The following JUP variants were observed in gnomAD, a reference collection of about 807,000 sequenced individuals.
JUP encodes the protein junction plakoglobin, also known as catenin (cadherin-associated protein), gamma 80kDa.
JUP carries 28 observed loss-of-function variants against 71.1 expected under a neutral mutation model. That is an observed-to-expected ratio of 0.39 (90% CI 0.29 to 0.54). The LOEUF is 0.54. Among genes scored for constraint, JUP ranks in the 20% least tolerant of loss-of-function variants. JUP has a pLI of 0.62. For missense variants in JUP, 869 were observed against 1,030.1 expected, an observed-to-expected ratio of 0.84 and a Z score of 2.14; for synonymous variants, 401 against 438.9, an observed-to-expected ratio of 0.91 and a Z score of 1.08.
chr17:41,773,093 G>A (rs1916913571), intron 1 of JUP: 1 of 667,604 alleles, frequency 1.5e-6, no homozygotes, highest in Non-Finnish European at 1.9e-6. Context: ...GGGACCAGGT[G>A]TGAGGGCACC....
intron 5 of JUP, 93 bp from the exon 6 acceptor site, chr17:41,765,160 C>A: frequency 7.9e-7 from 1 of 1,270,096 alleles, no homozygotes. Context: ...CATTACTGAG[C>A]TTCAGCTAAA....
chr17:41,762,172 A>AGTGTGT (rs1567808437), intron 8 of JUP, among the ~76,000 whole-genome samples: 21 of 44,092 alleles, frequency 4.8e-4, no homozygotes, highest in African/African-American at 1.9e-3. Flanking sequence ...AGAGAGAGAG[A>AGTGTGT]GAGAGTGTGT....
intron 1 of JUP, among the ~76,000 whole-genome samples, chr17:41,773,882 T>A (rs1293814349): frequency 1.3e-5 from 2 of 152,208 alleles, no homozygotes; most frequent in Admixed American, 1.3e-4. Flanking sequence ...GTAAACACGG[T>A]AGCAATAACC....
In JUP at chr17:41,777,361, C is replaced by G. The variant is rs2046935286; in HGVS notation, c.-8-5499G>C. Among the ~76,000 whole-genome samples, 4 of 152,236 alleles carry G rather than the reference C, an allele frequency of 2.6e-5. No homozygotes were observed. The South Asian group carries it at 8.3e-4, about 31-fold the overall frequency. On this transcript the variant is annotated intron_variant, in intron 1 of 13. Coordinates refer to ENST00000393931, the MANE Select transcript of JUP (RefSeq NM_002230.4). ...ATCTCCAGCCCCCACCTTCCCCACT[C>G]TGTCCCTGGCTCCTGCTGAGGTCTG...
chr17:41,769,816 C>T (rs1916355630), intron 2 of JUP, 139 bp from the exon 3 acceptor site: 3 of 898,066 alleles, frequency 3.3e-6, no homozygotes. Flanking sequence ...CATGACTGGC[C>T]ATTCTACCTC....
Position 41,771,865 on chromosome 17 carries a change from G to A in JUP, c.-8-3C>T. On this transcript the variant is annotated splice_region_variant and splice_polypyrimidine_tract_variant and intron_variant, in intron 1 of 13. Transcript: ENST00000393931. ...GTTCATCACCTCCATCGTGGCTACT[G>A]GGGGCACAAAGGAGGAAGTCAGGAA... The A allele has an allele frequency of 1.9e-6, 3 of 1,604,106 alleles. No homozygotes were observed. The highest frequency in any genetic ancestry group is 2.6e-6 in the Non-Finnish European group (3 of 1,175,254).
chr17:41,767,555 A>G lies in JUP; in HGVS notation c.733T>C (p.Tyr245His). The change falls in exon 5 of 14, where the codon TAT (tyrosine) becomes CAT (histidine). Residue 245 changes from tyrosine (Y) to histidine (H), a missense_variant. Tyr to His is a moderately conservative substitution (Grantham distance 83, BLOSUM62 2). Coordinates refer to ENST00000393931, the MANE Select transcript of JUP (RefSeq NM_002230.4). ...AGGTTGTGCAGCGTGGTGATGGCAT[A>G]GAACAGGACCGACTCCACAGGGGAG... ...LSSPVESVLF[Y>H]AITTLHNLLL... The G allele has an allele frequency of 6.3e-7, 1 of 1,578,688 alleles. No individual in the cohort carries two copies. Among genetic ancestry groups the G allele is most frequent in the South Asian group, 1.1e-5 (1 of 90,426 alleles).
intron 12 of JUP, among the ~76,000 whole-genome samples, chr17:41,756,548 G>A (rs527542162): frequency 4.6e-5 from 7 of 151,184 alleles, no homozygotes; most frequent in Non-Finnish European, 8.8e-5. Context: ...GCAGTGAGCC[G>A]AGATTACACC....
rs201313464 is a variant in JUP, at chr17:41,767,584, G to A, written c.708-4C>T. 6.2e-7 allele frequency: 1 copy of A among 1,604,356 alleles called. No homozygotes were observed. Among genetic ancestry groups the A allele is most frequent in the Non-Finnish European group, 8.5e-7 (1 of 1,173,560 alleles). ...CAGGACCGACTCCACAGGGGAGCTG[G>A]GGGGGTGGGCAGGGGTTAGTACGCT... On this transcript the variant is annotated splice_region_variant and splice_polypyrimidine_tract_variant and intron_variant, in intron 4 of 13. Coordinates refer to ENST00000393931, the MANE Select transcript of JUP (RefSeq NM_002230.4).
intron 2 of JUP, among the ~76,000 whole-genome samples, chr17:41,771,103 C>T (rs1916577116): frequency 6.6e-6 from 1 of 152,204 alleles, no homozygotes. Context: ...AATCTCAGCT[C>T]ACTCCAACCT....
At chr17:41,785,860 G>A (rs1434853118) in intron 1 of JUP, 1 of 137,874 alleles carries the variant, frequency 7.3e-6, no homozygotes, top group East Asian at 2.1e-4. Flanking sequence ...ACACCAGCTG[G>A]ACACTGAGCC....
chr17:41,757,825 G>A, intron 10 of JUP, 41 bp from the exon 11 acceptor site: 1 of 1,561,592 alleles, frequency 6.4e-7, no homozygotes, highest in South Asian at 1.2e-5. Context: ...GAGGTGGAAA[G>A]GGGTGAGGCA....
chr17:41,766,901 G>T (rs559222069), intron 5 of JUP, among the ~76,000 whole-genome samples: 17 of 151,554 alleles, frequency 1.1e-4, no homozygotes, highest in African/African-American at 3.6e-4. Context: ...AAAAAAATTA[G>T]TCGGGCGTGG....
At chr17:41,758,245 G>T in intron 10 of JUP, 154 bp downstream of exon 10, 1 of 839,860 alleles carries the variant, frequency 1.2e-6, no homozygotes. Context: ...CATGCAGGGG[G>T]TTGCTAAGTA....
intron 1 of JUP, among the ~76,000 whole-genome samples, chr17:41,780,826 C>T (rs533225542): frequency 1.3e-5 from 2 of 152,130 alleles, no homozygotes; most frequent in East Asian, 1.9e-4. Flanking sequence ...GAGTGGATCA[C>T]CTGAGGTCAG....
chr17:41,765,167 T>G (rs1479400200), intron 5 of JUP, 100 bp from the exon 6 acceptor site: 1 of 1,195,952 alleles, frequency 8.4e-7, no homozygotes, highest in Non-Finnish European at 1.2e-6. Context: ...GAGCTTCAGC[T>G]AAAGCACGAA....
intron 1 of JUP, among the ~76,000 whole-genome samples, chr17:41,775,419 CAGG>C: frequency 6.6e-6 from 1 of 152,276 alleles, no homozygotes; most frequent in Admixed American, 6.5e-5. Flanking sequence ...ACCTACTGCC[CAGG>C]AGAACAAAGG....
chr17:41,759,022 C>T (rs1031133724), intron 8 of JUP, 152 bp from the exon 9 acceptor site: 1 of 760,454 alleles, frequency 1.3e-6, no homozygotes, highest in Non-Finnish European at 2.1e-6. Context: ...AGGAGACCAT[C>T]CCAGCCATGT....
chr17:41,767,397 G>A lies in JUP; in HGVS notation c.891C>T (p.Tyr297=), dbSNP rs397517302. Residue 297 remains tyrosine (Y), a synonymous_variant, in exon 5 of 14, where the codon TAC becomes TAT. Coordinates refer to ENST00000393931, the MANE Select transcript of JUP (RefSeq NM_002230.4). Reference sequence around the variant, plus strand: ...GGCCCACCTTGCTCTCCTGGTTGCCGTAGGCCAGGAGCTGCAGGCAGTCGG... The same window carrying A: ...GGCCCACCTTGCTCTCCTGGTTGCCATAGGCCAGGAGCTGCAGGCAGTCGG... The part of the protein sequence containing the change: ...ITTDCLQLLA[Y]GNQESKLIIL... The A allele has an allele frequency of 5.3e-5, 85 of 1,614,028 alleles. No homozygotes were observed. Among genetic ancestry groups the A allele is most frequent in the South Asian group, 2.7e-4 (25 of 91,094 alleles).
Sources: allele counts gnomAD v4.1 joint callset (sites outside exome capture counted in the v4.1 genomes callset), GRCh38; gene constraint gnomAD v4.1.1; transcripts MANE v1.5; gene names NCBI Gene and HGNC (gene_info 2026-07-23, HGNC 2026-07-21).